The following NAF1 variants were observed in gnomAD, a reference collection of about 807,000 sequenced individuals.
NAF1 encodes the protein nuclear assembly factor 1 ribonucleoprotein.
NAF1 carries 11 observed loss-of-function variants against 40.6 expected under a neutral mutation model. That is an observed-to-expected ratio of 0.27 (90% CI 0.17 to 0.45). The LOEUF (loss-of-function observed/expected upper bound fraction) is 0.45, where lower values mean the gene tolerates loss of function less well. Ranked by LOEUF, NAF1 falls within the 20% of genes least tolerant of loss-of-function variation. The pLI is 1.00. For synonymous variants in NAF1, 260 were observed against 228.5 expected (o/e 1.14, Z -1.24); for missense variants, 607 against 611.1 (o/e 0.99, Z 0.07).
In NAF1 at chr4:163,137,288, T is replaced by TGAG. The variant is rs779941600; in HGVS notation, c.879-39_879-38insCTC. On this transcript the variant is annotated intron_variant, in intron 5 of 7. Transcript: ENST00000274054. Reference sequence around the variant, plus strand: ...GGGATGGGAGTCAAAAAAGTATTCATCACAATTCTATTAAGTGCTCATAAC... The same window carrying TGAG: ...GGGATGGGAGTCAAAAAAGTATTCATGAGCACAATTCTATTAAGTGCTCATAAC... 2.3e-5 allele frequency: 36 copies of TGAG among 1,587,554 alleles called. No homozygotes were observed. The East Asian group carries it at 8.1e-4, about 36-fold the overall frequency.
At chr4:163,152,224 C>T (rs1177618250) in intron 2 of NAF1, among the ~76,000 whole-genome samples, 1 of 152,134 alleles carries the variant, frequency 6.6e-6, no homozygotes, top group Non-Finnish European at 1.5e-5. Context: ...TCCATCTATT[C>T]CAATTTTAAT....
downstream of NAF1, among the ~76,000 whole-genome samples, chr4:163,122,123 C>A (rs2110842144): frequency 6.6e-6 from 1 of 152,276 alleles, no homozygotes; most frequent in South Asian, 2.1e-4. Context: ...CTCTATGTCT[C>A]CCTAATTCAA....
intron 4 of NAF1, among the ~76,000 whole-genome samples, chr4:163,144,307 GC>G (rs1275503362): frequency 6.6e-6 from 1 of 152,118 alleles, no homozygotes; most frequent in Non-Finnish European, 1.5e-5. Context: ...TGACTTTTTA[GC>G]AAGGTTTCTC....
rs1730742660 is a variant in NAF1 at position 163,128,673 on chromosome 4, A to C, written c.*224T>G. 1 of 1,046,910 alleles carries C rather than the reference A, an allele frequency of 9.6e-7. No individual in the cohort carries two copies. The highest frequency in any genetic ancestry group is 4.4e-5 in the East Asian group (1 of 22,892). 64.9% of individuals were successfully genotyped at this position (1,046,910 alleles called of 1,614,324 possible). A position where few individuals can be genotyped will look rare whatever the true frequency, so the allele number is the denominator to read the frequency against. ...GGAGAAGGCATGAATTCAAAATTTT[A>C]ATTAAATATTACATAATTTAATGTT... On this transcript the variant is annotated 3_prime_UTR_variant, in exon 8 of 8. Transcript: ENST00000274054.
intron 5 of NAF1, among the ~76,000 whole-genome samples, chr4:163,139,249 T>C (rs1579154460): frequency 6.6e-6 from 1 of 152,080 alleles, no homozygotes; most frequent in Admixed American, 6.5e-5. Flanking sequence ...AAAAACAACA[T>C]CTATAAAAAT....
rs62335068 is a variant in NAF1 at position 163,161,554 on chromosome 4, G to A, written c.540+2663C>T. Among the ~76,000 whole-genome samples the A allele has an allele frequency of 4.0e-3, 615 of 152,114 alleles. 4 individuals are homozygous for A. The highest frequency in any genetic ancestry group is 0.021 in the Middle Eastern group (6 of 292). Reference sequence around the variant, plus strand: ...CCAATAATGAAAGAATAAAATGCCAGAGAACTGTGAGACTATCCAGAGGCA... The same window carrying A: ...CCAATAATGAAAGAATAAAATGCCAAAGAACTGTGAGACTATCCAGAGGCA... On this transcript the variant is annotated intron_variant, in intron 2 of 7. Coordinates refer to ENST00000274054, the MANE Select transcript of NAF1 (RefSeq NM_138386.3).
intron 7 of NAF1, among the ~76,000 whole-genome samples, chr4:163,130,224 G>C (rs1730817886): frequency 1.3e-5 from 2 of 151,952 alleles, no homozygotes; most frequent in Admixed American, 6.6e-5. Flanking sequence ...ATCACAAAAA[G>C]AACCAGGAAG....
At chr4:163,140,419 A>G (rs902833398) in intron 4 of NAF1, 36 bp from the exon 5 acceptor site, 18 of 1,536,782 alleles carry the variant, frequency 1.2e-5, no homozygotes, top group Non-Finnish European at 1.3e-5. Flanking sequence ...TTTAACATGT[A>G]AAATAACTAT....
At chr4:163,106,379 T>C (rs1011649679), downstream of NAF1, among the ~76,000 whole-genome samples, 1 of 152,164 alleles carries the variant, frequency 6.6e-6, no homozygotes, top group East Asian at 1.9e-4. Flanking sequence ...TAAATGAAAT[T>C]TAAATTTAAT....
chr4:163,154,402 G>A (rs1232006333), intron 2 of NAF1, among the ~76,000 whole-genome samples: 1 of 152,172 alleles, frequency 6.6e-6, no homozygotes, highest in Non-Finnish European at 1.5e-5. Context: ...TACAAAATAT[G>A]TAAGAGGTAA....
At chr4:163,109,064 C>T (rs1730095675), downstream of NAF1, among the ~76,000 whole-genome samples, 2 of 151,764 alleles carry the variant, frequency 1.3e-5, 1 homozygote, top group African/African-American at 4.8e-5. Context: ...TCTGACTGTA[C>T]TTATCATATT....
At chr4:163,147,724 G>A (rs1364808219) in intron 3 of NAF1, among the ~76,000 whole-genome samples, 2 of 152,102 alleles carry the variant, frequency 1.3e-5, no homozygotes, top group Admixed American at 1.3e-4. Context: ...TAAGGACCAC[G>A]AGATAGGGGA....
intron 2 of NAF1, among the ~76,000 whole-genome samples, chr4:163,153,876 C>T (rs1731851168): frequency 6.6e-6 from 1 of 152,188 alleles, no homozygotes; most frequent in Admixed American, 6.5e-5. Flanking sequence ...CTTGCTACTG[C>T]TCACTCTTTG....
downstream of NAF1, among the ~76,000 whole-genome samples, chr4:163,122,187 C>T (rs1579127860): frequency 6.6e-6 from 1 of 152,120 alleles, no homozygotes; most frequent in Admixed American, 6.5e-5. Context: ...ATTTCCAATA[C>T]CTGAGAATTT....
intron 7 of NAF1, 80 bp from the exon 8 acceptor site, chr4:163,129,428 G>C: frequency 1.5e-6 from 2 of 1,356,382 alleles, no homozygotes; most frequent in Non-Finnish European, 2.0e-6. Context: ...TTTCAATTAT[G>C]ATTTTTATTA....
At chr4:163,105,342 C>T (rs1278945675), downstream of NAF1, among the ~76,000 whole-genome samples, 1 of 152,162 alleles carries the variant, frequency 6.6e-6, no homozygotes, top group Admixed American at 6.5e-5. Flanking sequence ...TAACATCTAT[C>T]GAATTACCAC....
At chr4:163,165,804 G>A (rs144045230) in intron 1 of NAF1, among the ~76,000 whole-genome samples, 14 of 152,206 alleles carry the variant, frequency 9.2e-5, no homozygotes, top group African/African-American at 3.4e-4. Context: ...CTCACAAAAC[G>A]TAAGAAGCAT....
chr4:163,151,840 T>C (rs1731721051), intron 2 of NAF1, among the ~76,000 whole-genome samples: 1 of 152,196 alleles, frequency 6.6e-6, no homozygotes, highest in Admixed American at 6.5e-5. Flanking sequence ...TACAAATGCT[T>C]AGGCTTATTC....
In NAF1 at chr4:163,165,052, A is replaced by C. The variant is rs529077985; in HGVS notation, c.366-661T>G. ...ACTACTTTCATGGATAATCCCATAC[A>C]CATTAATGATTTCAGTCATCATCCA... On this transcript the variant is annotated intron_variant, in intron 1 of 7. Transcript: ENST00000274054. Among the ~76,000 whole-genome samples the C allele has an allele frequency of 1.4e-4, 22 of 152,304 alleles. No homozygotes were observed. In the South Asian group the frequency reaches 3.9e-3, roughly 27 times the overall value.
Sources: gnomAD v4.1 joint callset for allele counts (sites outside exome capture counted in the v4.1 genomes callset) on GRCh38, gnomAD v4.1.1 for gene constraint, MANE v1.5 for transcripts, NCBI Gene and HGNC (gene_info 2026-07-23, HGNC 2026-07-21) for gene names.